The following ATXN7L1 variants were observed in gnomAD, a reference collection of about 807,000 sequenced individuals.
The protein encoded by ATXN7L1 is ataxin 7 like 1.
In ATXN7L1, 15 loss-of-function variants were observed where a neutral mutation model predicts 70.8. The ratio of observed to expected loss-of-function variants is 0.21; its 90% CI spans 0.14 to 0.33. The LOEUF is 0.33. Among genes scored for constraint, ATXN7L1 ranks in the 10% least tolerant of loss-of-function variants. ATXN7L1 has a pLI of 1.00. For missense variants in ATXN7L1, 975 were observed against 1,097.1 expected (o/e 0.89, Z 1.57); for synonymous variants, 440 against 445.1 (o/e 0.99, Z 0.14).
At chr7:105,853,199 C>A (rs1815139070) in intron 2 of ATXN7L1, among the ~76,000 whole-genome samples, 1 of 152,208 alleles carries the variant, frequency 6.6e-6, no homozygotes, top group Admixed American at 6.5e-5. Context: ...GAATTATACA[C>A]TCTAAACTGG....
At chr7:105,612,705 C>T (rs761849374) in intron 10 of ATXN7L1, among the ~76,000 whole-genome samples, 2 of 152,222 alleles carry the variant, frequency 1.3e-5, no homozygotes, top group Non-Finnish European at 2.9e-5. Flanking sequence ...ACCTTGGCCT[C>T]GGTTTGCAGC....
chr7:105,723,747 T>G (rs1584834940), intron 3 of ATXN7L1, among the ~76,000 whole-genome samples: 1 of 152,178 alleles, frequency 6.6e-6, no homozygotes, highest in South Asian at 2.1e-4. Flanking sequence ...ACCCTTTTTG[T>G]TTTGCCTGTT....
intron 3 of ATXN7L1, among the ~76,000 whole-genome samples, chr7:105,767,686 A>G (rs1227425669): frequency 6.6e-6 from 1 of 152,214 alleles, no homozygotes; most frequent in Non-Finnish European, 1.5e-5. Flanking sequence ...GCACAGAGAG[A>G]TGAGGACTGG....
intron 3 of ATXN7L1, among the ~76,000 whole-genome samples, chr7:105,712,143 G>A (rs376472697): frequency 1.3e-4 from 20 of 152,212 alleles, no homozygotes; most frequent in South Asian, 1.2e-3. Flanking sequence ...GAGCTGGAGC[G>A]GCTAGGATGC....
intron 5 of ATXN7L1, among the ~76,000 whole-genome samples, chr7:105,642,357 T>C (rs1798397882): frequency 6.6e-6 from 1 of 152,160 alleles, no homozygotes; most frequent in Non-Finnish European, 1.5e-5. Context: ...ACCTGGAAAC[T>C]CCCGAGGCCA....
chr7:105,723,579 G>C (rs1795451811), intron 3 of ATXN7L1, among the ~76,000 whole-genome samples: 1 of 152,094 alleles, frequency 6.6e-6, no homozygotes, highest in Non-Finnish European at 1.5e-5. Flanking sequence ...CAAAGGGAGA[G>C]AGGCCACAAA....
chr7:105,790,667 TCTATCTA>T (rs1195921307), intron 2 of ATXN7L1, among the ~76,000 whole-genome samples: 1,731 of 139,834 alleles, frequency 0.012, 10 homozygotes, highest in Admixed American at 0.016. Context: ...CTATCTACTA[TCTATCTA>T]CTATCTATCT....
intron 7 of ATXN7L1, among the ~76,000 whole-genome samples, chr7:105,629,132 G>A (rs1419969212): frequency 6.6e-6 from 1 of 151,892 alleles, no homozygotes; most frequent in Non-Finnish European, 1.5e-5. Flanking sequence ...TGAGCCCAGT[G>A]AAATTTGCTT....
chr7:105,790,606 TTATCTATC>T (rs55703123), intron 2 of ATXN7L1, among the ~76,000 whole-genome samples: 2,296 of 133,210 alleles, frequency 0.017, 46 homozygotes, highest in Non-Finnish European at 0.02. Context: ...AAGAAAAAAA[TTATCTATC>T]TATCTATCTA....
intron 2 of ATXN7L1, among the ~76,000 whole-genome samples, chr7:105,814,090 C>T (rs529197709): frequency 6.6e-6 from 1 of 152,346 alleles, no homozygotes; most frequent in African/African-American, 2.4e-5. Flanking sequence ...AAACCAGCTT[C>T]GCAGCAGTCC....
intron 3 of ATXN7L1, among the ~76,000 whole-genome samples, chr7:105,719,769 A>G (rs1794973601): frequency 6.6e-6 from 1 of 152,208 alleles, no homozygotes; most frequent in South Asian, 2.1e-4. Flanking sequence ...GAAGACAGAT[A>G]AAAACTCACC....
intron 3 of ATXN7L1, among the ~76,000 whole-genome samples, chr7:105,695,777 G>A (rs1791625777): frequency 6.6e-6 from 1 of 152,188 alleles, no homozygotes; most frequent in Non-Finnish European, 1.5e-5. Flanking sequence ...CCACTGTCAT[G>A]TTCCTTTGCC....
At chr7:105,834,095 T>C (rs1270982560) in intron 2 of ATXN7L1, among the ~76,000 whole-genome samples, 2 of 152,208 alleles carry the variant, frequency 1.3e-5, no homozygotes, top group Admixed American at 6.5e-5. Flanking sequence ...CAGGCTGGAG[T>C]GCAGTGGTAT....
At chr7:105,875,117 T>C (rs1818870308) in intron 2 of ATXN7L1, 1 of 152,686 alleles carries the variant, frequency 6.5e-6, no homozygotes, top group South Asian at 2.1e-4. Context: ...ATGATTTATT[T>C]ATGACGACCA....
In ATXN7L1 at chr7:105,788,795, A is replaced by T. The variant is rs1034637698; in HGVS notation, c.251-87T>A. ...GTTTCCTCTTGGAATTTCTTCAAGG[A>T]CAGTTTTTCAAACACAACACGCAGA... On this transcript the variant is annotated intron_variant, in intron 2 of 11. Coordinates refer to ENST00000419735, the MANE Select transcript of ATXN7L1 (RefSeq NM_020725.2). 6 of 1,118,244 alleles carry T rather than the reference A, an allele frequency of 5.4e-6. No individual in the cohort carries two copies. The East Asian group carries it at 1.5e-4, about 28-fold the overall frequency. 69.3% of individuals were successfully genotyped at this position (1,118,244 alleles called of 1,614,324 possible). A position where few individuals can be genotyped will look rare whatever the true frequency, so the allele number is the denominator to read the frequency against.
At chr7:105,794,796 T>G (rs960528662) in intron 2 of ATXN7L1, among the ~76,000 whole-genome samples, 10 of 152,212 alleles carry the variant, frequency 6.6e-5, no homozygotes, top group African/African-American at 2.4e-4. Context: ...ACTGGAGTTC[T>G]TTCCAATGTC....
At chr7:105,812,724 G>A (rs1808608072) in intron 2 of ATXN7L1, among the ~76,000 whole-genome samples, 1 of 152,152 alleles carries the variant, frequency 6.6e-6, no homozygotes, top group African/African-American at 2.4e-5. Context: ...GATCTAGCTG[G>A]GCATGGTGGC....
Position 105,819,650 on chromosome 7 carries a change from G to T in ATXN7L1, c.251-30942C>A, listed in dbSNP as rs1585079050. ...GCCATTTCTACAGATACAAGTTGAAGTACCTGGTCTTCCTCCGCAAGCAGA... is the reference window on the plus strand; with the variant it reads ...GCCATTTCTACAGATACAAGTTGAATTACCTGGTCTTCCTCCGCAAGCAGA... On this transcript the variant is annotated intron_variant, in intron 2 of 11. Transcript: ENST00000419735. 4 of 922,544 alleles carry T rather than the reference G, an allele frequency of 4.3e-6. No individual in the cohort carries two copies. The East Asian group carries it at 1.0e-4, about 24-fold the overall frequency. The allele number at this position is 922,544 out of a possible 1,614,324, so 57.1% of individuals were successfully genotyped here.
At chr7:105,774,792 C>T (rs1769815540) in intron 3 of ATXN7L1, among the ~76,000 whole-genome samples, 1 of 152,034 alleles carries the variant, frequency 6.6e-6, no homozygotes, top group Non-Finnish European at 1.5e-5. Flanking sequence ...GAGGCAGCCA[C>T]TTATAAAGAT....
Sources: allele counts gnomAD v4.1 joint callset (sites outside exome capture counted in the v4.1 genomes callset), GRCh38; gene constraint gnomAD v4.1.1; transcripts MANE v1.5; gene names NCBI Gene and HGNC (gene_info 2026-07-23, HGNC 2026-07-21).